Variants in MUC4 observed in about 807,000 individuals in gnomAD.
MUC4 encodes the protein mucin 4, cell surface associated.
A neutral mutation model predicts 257.9 loss-of-function variants in MUC4; 202 were observed. The observed-to-expected ratio is 0.78, with a 90% CI of 0.70 to 0.88. MUC4 has a LOEUF of 0.88. Among genes scored for constraint, MUC4 ranks in the 40% least tolerant of loss-of-function variants. The pLI is 0.00. For missense variants in MUC4, 5,976 were observed against 6,513.7 expected (o/e 0.92, Z 2.84); for synonymous variants, 2,351 against 2,757.1 (o/e 0.85, Z 4.62).
At chr3:195,775,156 GCCT>G (rs1342765615) in intron 3 of MUC4, among the ~76,000 whole-genome samples, 2 of 151,992 alleles carry the variant, frequency 1.3e-5, no homozygotes, top group South Asian at 2.1e-4. Flanking sequence ...GGCTCTCCTG[GCCT>G]CCTCACTGCC....
chr3:195,794,164 TG>T (rs1306559277), intron 1 of MUC4, among the ~76,000 whole-genome samples: 1 of 151,612 alleles, frequency 6.6e-6, no homozygotes, highest in African/African-American at 2.4e-5. Flanking sequence ...GTTTAAATAT[TG>T]GCTTTTTTTG....
chr3:195,754,425 T>C, intron 18 of MUC4, 53 bp from the exon 19 acceptor site: 1 of 1,554,622 alleles, frequency 6.4e-7, no homozygotes, highest in Non-Finnish European at 8.7e-7. Flanking sequence ...TGGGAAGGGC[T>C]TCTGGGTGTT....
Position 195,788,649 on chromosome 3 carries a change from A to G in MUC4, c.2931T>C (p.Leu977=). ...ATGCCGAGGAAGCGTAGGTGACAGG[A>G]AGAGGGGTGGCGTTGCTGATGAGGG... ...TTALISNATP[L]PVTYASSAST... is the part of the protein sequence containing the mutation. Residue 977 remains leucine, a synonymous_variant, in exon 2 of 25, where the codon CTT becomes CTC. Transcript: ENST00000463781. 1 of 1,610,404 alleles carries G rather than the reference A, an allele frequency of 6.2e-7. No homozygotes were observed. The highest frequency in any genetic ancestry group is 8.5e-7 in the Non-Finnish European group (1 of 1,178,234).
Position 195,754,293 on chromosome 3 carries a change from A to C in MUC4, c.15248T>G (p.Phe5083Cys). Residue 5083 changes from phenylalanine to cysteine, a missense_variant, in exon 19 of 25, where the codon TTC (phenylalanine) becomes TGC (cysteine). Transcript: ENST00000463781. ...GSEDACEEPC[F>C]PSVHCVPGKG... is the part of the protein sequence containing the mutation. ...CCCAGGAACGCAGTGGACACTCGGG[A>C]AGCACGGCTCCTCACAGGCATCCTC... 1 of 1,613,848 alleles carries C rather than the reference A, an allele frequency of 6.2e-7. No individual in the cohort carries two copies. Among genetic ancestry groups the C allele is most frequent in the South Asian group, 1.1e-5 (1 of 91,056 alleles).
intron 23 of MUC4, 88 bp downstream of exon 23, chr3:195,750,801 A>C (rs1351038468): frequency 4.3e-5 from 54 of 1,247,796 alleles, no homozygotes; most frequent in Middle Eastern, 2.7e-4. Flanking sequence ...AGAAAAACTC[A>C]ATTAGCTTGT....
At chr3:195,767,656 A>G (rs1466182623) in intron 7 of MUC4, among the ~76,000 whole-genome samples, 2 of 85,058 alleles carry the variant, frequency 2.4e-5, no homozygotes, top group African/African-American at 8.6e-5. Flanking sequence ...CACCACCACC[A>G]CCACCACCAT....
rs1560387640 is a variant in MUC4 at position 195,787,891 on chromosome 3, G to C, written c.3689C>G (p.Ala1230Gly). 1 of 648,150 alleles carries C rather than the reference G, an allele frequency of 1.5e-6. No individual in the cohort carries two copies. The highest frequency in any genetic ancestry group is 6.0e-5 in the African/African-American group (1 of 16,566). 40.1% of individuals were successfully genotyped at this position (648,150 alleles called of 1,614,324 possible). A position where few individuals can be genotyped will look rare whatever the true frequency, so the allele number is the denominator to read the frequency against. ...AGGGATGGTTACAGGAAGAGAGGTGGCGTGATCTGTGGACACTGAGGAAGC... is the reference window on the plus strand; with the variant it reads ...AGGGATGGTTACAGGAAGAGAGGTGCCGTGATCTGTGGACACTGAGGAAGC... ...TDASSVSTDHATSLPVTIPSA... is the reference protein window; with the variant it reads ...TDASSVSTDHGTSLPVTIPSA... Residue 1230 changes from alanine (A) to glycine (G), a missense_variant, in exon 2 of 25, where the codon GCC becomes GGC. Ala to Gly is a moderately conservative substitution (Grantham distance 60, BLOSUM62 0). This residue lies in a region of MUC4 where 90 missense variants were observed against 106.2 expected (regional missense o/e 0.85). Coordinates refer to ENST00000463781, the MANE Select transcript of MUC4 (RefSeq NM_018406.7).
chr3:195,784,693 G>T lies in MUC4; in HGVS notation c.6887C>A (p.Ser2296Ter), dbSNP rs1730513491. The T allele has an allele frequency of 6.9e-7, 1 of 1,455,612 alleles. No individual in the cohort carries two copies. Among genetic ancestry groups the T allele is most frequent in the East Asian group, 2.7e-5 (1 of 36,822 alleles). 90.2% of individuals were successfully genotyped at this position (1,455,612 alleles called of 1,614,324 possible). A position where few individuals can be genotyped will look rare whatever the true frequency, so the allele number is the denominator to read the frequency against. ...AGGGGTGGCGTGACCTGTGGATGCT[G>T]AGGAAGGGCTAGTGACAGGAAGAGG... The part of the protein sequence containing the change: ...TTPLPVTSPS[S>*]ASTGHATPLH... The change falls in exon 2 of 25, where the codon TCA becomes TAA. Residue 2296 changes from serine to a stop codon, truncating the protein, a stop_gained. Coordinates refer to ENST00000463781, the MANE Select transcript of MUC4 (RefSeq NM_018406.7). LOFTEE classifies it high-confidence loss of function.
rs1344822924 is a variant in MUC4, at chr3:195,778,775, G to C, written c.12790+15C>G. The C allele has an allele frequency of 1.3e-6, 2 of 1,599,916 alleles. No individual in the cohort carries two copies. Reference sequence around the variant, plus strand: ...GCCCACTGGGAGACATAAAGGCGAGGCAGTTGGCAGCTACCTGGTGTTTCC... The same window carrying C: ...GCCCACTGGGAGACATAAAGGCGAGCCAGTTGGCAGCTACCTGGTGTTTCC... On this transcript the variant is annotated intron_variant, in intron 2 of 24. Coordinates refer to ENST00000463781, the MANE Select transcript of MUC4 (RefSeq NM_018406.7).
Position 195,747,161 on chromosome 3 carries a change from G to A in MUC4, c.*15C>T, listed in dbSNP as rs1715187499. On this transcript the variant is annotated 3_prime_UTR_variant, in exon 25 of 25. Transcript: ENST00000463781. ...TGAGGTGAGTCTTGAGGTAGCCTAG[G>A]CCACAGCTGCCCCTTCAAGGCAAGG... 1.2e-6 allele frequency: 2 copies of A among 1,614,188 alleles called. No individual in the cohort carries two copies. Among genetic ancestry groups the A allele is most frequent in the East Asian group, 4.5e-5 (2 of 44,896 alleles).
At chr3:195,776,160 C>T (rs1481722824) in intron 3 of MUC4, among the ~76,000 whole-genome samples, 4 of 62,602 alleles carry the variant, frequency 6.4e-5, no homozygotes, top group African/African-American at 2.3e-4. Context: ...CCTTCCACAC[C>T]CATACCTTCC....
Position 195,765,348 on chromosome 3 carries a change from A to G in MUC4, c.13720T>C (p.Trp4574Arg). Residue 4574 changes from tryptophan to arginine, a missense_variant, in exon 9 of 25, where the codon TGG (tryptophan) becomes CGG (arginine). Trp to Arg is a moderately radical substitution (Grantham distance 101). Around this residue, in one of 44 missense-constraint regions of MUC4, gnomAD observed 996 missense variants for 1,137.3 expected, o/e 0.88. Transcript: ENST00000463781. ...GGGCAGGAGACCTGGTTCCAGCCCC[A>G]GCTGGGCCACCGAGGCTGGCTCTTC... ...WLKSQPRWPS[W>R]GWNQVSCPCS... The G allele has an allele frequency of 6.2e-7, 1 of 1,613,730 alleles. No individual in the cohort carries two copies. The highest frequency in any genetic ancestry group is 8.5e-7 in the Non-Finnish European group (1 of 1,180,014).
At chr3:195,764,279 AGGGCAGGGCGGTGTTGGTGGAGAG>A (rs1198630257) in intron 10 of MUC4, 115 bp from the exon 11 acceptor site, 2 of 1,220,938 alleles carry the variant, frequency 1.6e-6, no homozygotes, top group African/African-American at 1.5e-5. Context: ...AGAGCTTGGC[AGGGCAGGGCGGTGTTGGTGGAGAG>A]CTTGGCAGGG....
Position 195,787,933 on chromosome 3 carries a change from G to C in MUC4, c.3647C>G (p.Pro1216Arg), listed in dbSNP as rs1214354552. Residue 1216 changes from proline (P) to arginine (R), a missense_variant, in exon 2 of 25, where the codon CCT (proline) becomes CGT (arginine). Around this residue, in one of 44 missense-constraint regions of MUC4, gnomAD observed 90 missense variants for 106.2 expected, o/e 0.85. Transcript: ENST00000463781. ...TSSASTGHAT[P>R]LPVTDASSVS... Reference sequence around the variant, plus strand: ...TGAGGAAGCGTCGGTGACAGGAAGAGGGGTGGCGTGTCCTGTGGATGCTGA... The same window carrying C: ...TGAGGAAGCGTCGGTGACAGGAAGACGGGTGGCGTGTCCTGTGGATGCTGA... The C allele has an allele frequency of 9.7e-6, 10 of 1,030,358 alleles. No homozygotes were observed. The East Asian group carries it at 2.9e-4, about 30-fold the overall frequency. 63.8% of individuals were successfully genotyped at this position (1,030,358 alleles called of 1,614,324 possible).
intron 23 of MUC4, 49 bp from the exon 24 acceptor site, chr3:195,749,113 A>C: frequency 6.3e-7 from 1 of 1,591,606 alleles, no homozygotes; most frequent in African/African-American, 1.4e-5. Flanking sequence ...ATGAACACTA[A>C]ATCAGTACCT....
intron 24 of MUC4, among the ~76,000 whole-genome samples, chr3:195,747,634 G>A (rs1465494019): frequency 2.6e-5 from 4 of 152,292 alleles, no homozygotes; most frequent in Non-Finnish European, 5.9e-5. Flanking sequence ...AGAGGCTGAG[G>A]CGGGCGCATC....
chr3:195,747,373 A>T lies in MUC4; in HGVS notation c.16042T>A (p.Ser5348Thr). Residue 5348 changes from serine to threonine, a missense_variant, in exon 25 of 25, where the codon TCC becomes ACC. Physicochemically the swap from Ser to Thr is moderately conservative, Grantham distance 58. Coordinates refer to ENST00000463781, the MANE Select transcript of MUC4 (RefSeq NM_018406.7). The part of the protein sequence containing the change: ...LPSGPRCSCV[S>T]FSIYTAWGEH... ...CCCCAGGCCGTGTAGATGGAGAAGG[A>T]CACACAGCTGGTGACCAAGAGAGAC... The T allele has an allele frequency of 6.2e-7, 1 of 1,613,228 alleles. No individual in the cohort carries two copies. The highest frequency in any genetic ancestry group is 8.5e-7 in the Non-Finnish European group (1 of 1,179,548).
At chr3:195,798,835 C>A (rs1734915251) in intron 1 of MUC4, among the ~76,000 whole-genome samples, 1 of 152,160 alleles carries the variant, frequency 6.6e-6, no homozygotes, top group South Asian at 2.1e-4. Flanking sequence ...GTAAACATAG[C>A]CTGAGAAGAC....
At chr3:195,775,904 C>CCCATACCTTCCACGG (rs1724519615) in intron 3 of MUC4, among the ~76,000 whole-genome samples, 14 of 80,548 alleles carry the variant, frequency 1.7e-4, no homozygotes, top group South Asian at 7.3e-4. Context: ...ACCTTCCACA[C>CCCATACCTTCCACGG]CCATACCTTC....
Sources: gnomAD v4.1 joint callset for allele counts (sites outside exome capture counted in the v4.1 genomes callset) on GRCh38, gnomAD v4.1.1 for gene constraint, gnomAD v4.1.1 regional missense constraint, MANE v1.5 for transcripts, NCBI Gene and HGNC (gene_info 2026-07-23, HGNC 2026-07-21) for gene names.